INTS1: variants seen among roughly 807,000 people sequenced by gnomAD.
INTS1 encodes the protein integrator complex subunit 1.
Under a neutral mutation model 241.6 loss-of-function variants are expected in INTS1, and 137 were observed. The observed-to-expected ratio is 0.57, with a 90% CI of 0.49 to 0.65. The LOEUF is 0.65. INTS1 is among the 30% of genes least tolerant of loss of function. INTS1 has a pLI of 0.00. For synonymous variants in INTS1, 1,692 were observed against 1,337.8 expected (o/e 1.26, Z -5.78); for missense variants, 3,073 against 3,032.2 (o/e 1.01, Z -0.32).
At chr7:1,478,673 T>C in intron 32 of INTS1, 53 bp downstream of exon 32, 5 of 1,502,882 alleles carry the variant, frequency 3.3e-6, no homozygotes, top group Non-Finnish European at 4.5e-6. Context: ...CCACTCTGAG[T>C]GAGCCCCTGT....
At chr7:1,488,077 CA>C in intron 18 of INTS1, 120 bp from the exon 19 acceptor site, 1 of 1,052,492 alleles carries the variant, frequency 9.5e-7, no homozygotes, top group South Asian at 1.4e-5. Flanking sequence ...TGCTGCACAG[CA>C]GTCAGGAGCA....
intron 1 of INTS1, 31 bp from the exon 2 acceptor site, chr7:1,504,032 T>C (rs1783339789): frequency 1.7e-6 from 2 of 1,152,120 alleles, no homozygotes; most frequent in Non-Finnish European, 2.5e-6. Context: ...GGTCATTCCT[T>C]CACTCATTCG....
intron 43 of INTS1, among the ~76,000 whole-genome samples, chr7:1,472,737 A>C (rs924881750): frequency 2.7e-5 from 4 of 147,994 alleles, no homozygotes; most frequent in Non-Finnish European, 6.0e-5. Context: ...ACCAAGGACA[A>C]GCCTTGCCCA....
intron 40 of INTS1, 100 bp downstream of exon 40, chr7:1,474,605 T>G (rs1164194811): frequency 2.8e-6 from 4 of 1,421,732 alleles, no homozygotes; most frequent in Non-Finnish European, 3.7e-6. Context: ...TGCTTTTTTT[T>G]GTTGTTTTTG....
In INTS1 at chr7:1,487,395, G is replaced by C; in HGVS notation, c.2571C>G (p.Asn857Lys). The C allele has an allele frequency of 6.2e-7, 1 of 1,612,114 alleles. No individual in the cohort carries two copies. Among genetic ancestry groups the C allele is most frequent in the Non-Finnish European group, 8.5e-7 (1 of 1,179,482 alleles). Reference protein sequence around the residue: ...PHILDQVKSLNQSLRLGHLLC... With the variant: ...PHILDQVKSLKQSLRLGHLLC... ...AGAGGTGCCCGAGGCGGAGGGACTG[G>C]TTGAGGCTTTTCACTTGATCCAGGA... The change falls in exon 20 of 48, where the codon AAC becomes AAG. Residue 857 changes from asparagine to lysine, a missense_variant. Physicochemically the swap from Asn to Lys is moderately conservative, Grantham distance 94 (BLOSUM62 0). Transcript: ENST00000404767.
intron 26 of INTS1, chr7:1,483,462 T>G (rs1381779279): frequency 1.5e-5 from 8 of 517,954 alleles, no homozygotes. Context: ...GCTGGGGCAG[T>G]GAGGACTCTG....
At position 1,493,202 on chromosome 7, in the gene INTS1, G is replaced by T. The variant is rs904942994; in HGVS notation, c.2069-96C>A. The T allele has an allele frequency of 3.5e-4, 319 of 916,150 alleles. 1 individual carries two copies. The highest frequency in any genetic ancestry group is 5.2e-4 in the Non-Finnish European group (301 of 581,648). The allele number at this position is 916,150 out of a possible 1,614,324, so 56.8% of individuals were successfully genotyped here. A position where few individuals can be genotyped will look rare whatever the true frequency, so the allele number is the denominator to read the frequency against. ...GGCCCTGCTCGGGCCGCGTCGGGGT[G>T]GGGTGGGGGATGCCGCAGGGTGGGG... On this transcript the variant is annotated intron_variant, in intron 15 of 47. Transcript: ENST00000404767. The surrounding 1 kb of genome is among the most constrained non-coding windows in gnomAD (Gnocchi z 5.3).
At chr7:1,495,625 C>A in intron 12 of INTS1, 72 bp from the exon 13 acceptor site, 1 of 1,539,812 alleles carries the variant, frequency 6.5e-7, no homozygotes, top group Non-Finnish European at 8.7e-7. Flanking sequence ...CCCTGGGGGT[C>A]CAACTCAATG....
In INTS1 at chr7:1,499,901, G is replaced by A. The variant is rs2128544777; in HGVS notation, c.667C>T (p.Pro223Ser). 2 of 1,613,038 alleles carry A rather than the reference G, an allele frequency of 1.2e-6. No individual in the cohort carries two copies. Among genetic ancestry groups the A allele is most frequent in the Non-Finnish European group, 1.7e-6 (2 of 1,179,392 alleles). Residue 223 changes from proline (P) to serine (S), a missense_variant, in exon 5 of 48, where the codon CCC becomes TCC. By Grantham distance (74) the Pro-to-Ser change is moderately conservative (BLOSUM62 -1). Transcript: ENST00000404767. ...MAAYEEDENWPEIFVKVYIED... is the reference protein window; with the variant it reads ...MAAYEEDENWSEIFVKVYIED... ...ACGCTCACCTTGACAAAGATCTCGG[G>A]CCAGTTCTCGTCCTCCTCGTAGGCG...
At position 1,497,174 on chromosome 7, in the gene INTS1, C is replaced by T. The variant is rs1295920274; in HGVS notation, c.1566G>A (p.Glu522=). 6.2e-7 allele frequency: 1 copy of T among 1,610,496 alleles called. No homozygotes were observed. Among genetic ancestry groups the T allele is most frequent in the South Asian group, 1.1e-5 (1 of 90,556 alleles). Residue 522 remains glutamate (E), a synonymous_variant, in exon 11 of 48, where the codon GAG becomes GAA. Coordinates refer to ENST00000404767, the MANE Select transcript of INTS1 (RefSeq NM_001080453.3). This position sits in a 1 kb window ranked among gnomAD's most constrained non-coding sequence, Gnocchi z 5.3. ...TCTCCAGGTACTGCGGCTCCTTGCG[C>T]TCCTGCATGAGCCCCAGGCAGAAGG... ...FQAFCLGLMQ[E]RKEPQYLEME...
chr7:1,477,219 G>A (rs1010418489), intron 35 of INTS1, among the ~76,000 whole-genome samples: 3 of 152,204 alleles, frequency 2.0e-5, no homozygotes, highest in African/African-American at 7.2e-5. Context: ...CCCTTCTCCT[G>A]GCCACAGCCC....
At position 1,470,396 on chromosome 7, in the gene INTS1, A is replaced by G. The variant is rs2128530703; in HGVS notation, c.*181T>C. On this transcript the variant is annotated 3_prime_UTR_variant, in exon 48 of 48. Transcript: ENST00000404767. ...GGCTTGCTGGACGGCCCCTGATGCC[A>G]GCGGCCGGCCCGGAGCCACCCCAGG... is the stretch of plus-strand genomic sequence containing the variant. 1 of 526,012 alleles carries G rather than the reference A, an allele frequency of 1.9e-6. No individual in the cohort carries two copies. Among genetic ancestry groups the G allele is most frequent in the South Asian group, 2.7e-5 (1 of 36,958 alleles). The allele number at this position is 526,012 out of a possible 1,614,324, so 32.6% of individuals were successfully genotyped here. A position where few individuals can be genotyped will look rare whatever the true frequency, so the allele number is the denominator to read the frequency against.
At position 1,491,148 on chromosome 7, in the gene INTS1, C is replaced by T. The variant is rs544186048; in HGVS notation, c.2166-1466G>A. Among the ~76,000 whole-genome samples, 11 of 152,356 alleles carry T rather than the reference C, an allele frequency of 7.2e-5. No individual in the cohort carries two copies. The East Asian group carries it at 7.7e-4, about 11-fold the overall frequency. ...CCGGGAGAAAACGGGAGGAGGGCTT[C>T]GGGAGCGTGGGGCAGCCCCAGCGTC... is the stretch of plus-strand genomic sequence containing the variant. On this transcript the variant is annotated intron_variant, in intron 16 of 47. Transcript: ENST00000404767.
chr7:1,498,418 C>T lies in INTS1; in HGVS notation c.1419G>A (p.Ala473=), dbSNP rs754047029. ...CCAGGGACCCTGGGCCTACCTTGGG[C>T]GCCAGCTCTGAGCTGTGCTGCAGTG... ...YTALQHSSEL[A]PKFLAMVFQD... is the part of the protein sequence containing the mutation. The change falls in exon 10 of 48, where the codon GCG becomes GCA. Residue 473 remains alanine, a synonymous_variant. Coordinates refer to ENST00000404767, the MANE Select transcript of INTS1 (RefSeq NM_001080453.3). The T allele has an allele frequency of 5.5e-5, 88 of 1,613,608 alleles. No homozygotes were observed. Among genetic ancestry groups the T allele is most frequent in the Admixed American group, 1.2e-4 (7 of 59,988 alleles).
At chr7:1,504,232 A>C in intron 1 of INTS1, 91 bp downstream of exon 1, 1 of 552,340 alleles carries the variant, frequency 1.8e-6, no homozygotes. Context: ...CGGCAGAACC[A>C]GAAGGGACGG....
chr7:1,489,485 C>G (rs1237922152), intron 17 of INTS1, 81 bp from the exon 18 acceptor site: 6 of 1,546,476 alleles, frequency 3.9e-6, no homozygotes. Flanking sequence ...AGCTCCTCCT[C>G]TCATCCCCAG....
rs200779315 is a variant in INTS1 at position 1,499,867 on chromosome 7, C to G, written c.684+17G>C. ...TGGCGCTCTGCCATCTTCACCGTCC[C>G]GGGAGAGGACGCTCACCTTGACAAA... On this transcript the variant is annotated intron_variant, in intron 5 of 47. Transcript: ENST00000404767. The G allele has an allele frequency of 5.6e-6, 9 of 1,608,344 alleles. No homozygotes were observed. The East Asian group carries it at 1.8e-4, about 32-fold the overall frequency.
intron 3 of INTS1, chr7:1,501,303 A>AAAT (rs2128545327): frequency 6.6e-6 from 1 of 152,118 alleles, no homozygotes; most frequent in East Asian, 1.9e-4. Context: ...ATAAATAAAT[A>AAAT]AATAAATAAT....
rs549109442 is a variant in INTS1, at chr7:1,487,701, C to T, written c.2516+59G>A. Reference sequence around the variant, plus strand: ...GCTCCTTCAGCCTCTGTCCCACCCACACCAACCACCCACAGGTCCCGACGG... The same window carrying T: ...GCTCCTTCAGCCTCTGTCCCACCCATACCAACCACCCACAGGTCCCGACGG... On this transcript the variant is annotated intron_variant, in intron 19 of 47. Coordinates refer to ENST00000404767, the MANE Select transcript of INTS1 (RefSeq NM_001080453.3). The T allele has an allele frequency of 1.5e-5, 24 of 1,584,982 alleles. No individual in the cohort carries two copies. The African/African-American group carries it at 2.8e-4, about 19-fold the overall frequency.
Sources: gnomAD v4.1 joint callset for allele counts (sites outside exome capture counted in the v4.1 genomes callset) on GRCh38, gnomAD v4.1.1 for gene constraint, Gnocchi (gnomAD v3.1) non-coding constraint, MANE v1.5 for transcripts, NCBI Gene and HGNC (gene_info 2026-07-23, HGNC 2026-07-21) for gene names.